Variants in ZFHX3 observed in about 807,000 individuals in gnomAD.
ZFHX3 encodes zinc finger homeobox protein 3.
Under a neutral mutation model 279.1 loss-of-function variants are expected in ZFHX3, and 42 were observed. The observed-to-expected ratio is 0.15, with a 90% CI of 0.12 to 0.19. The LOEUF (loss-of-function observed/expected upper bound fraction) is 0.19, where lower values mean the gene tolerates loss of function less well. Ranked by LOEUF, ZFHX3 falls within the 10% of genes least tolerant of loss-of-function variation. The pLI, the probability that ZFHX3 is intolerant of heterozygous loss-of-function variation, is 1.00. For synonymous variants in ZFHX3, 2,293 were observed against 1,957.8 expected (o/e 1.17, Z -4.52); for missense variants, 4,981 against 4,754.0 (o/e 1.05, Z -1.40).
At chr16:73,353,408 G>A (rs1030885127) in intron 3 of ZFHX3, among the ~76,000 whole-genome samples, 1 of 152,226 alleles carries the variant, frequency 6.6e-6, no homozygotes, top group African/African-American at 2.4e-5. Context: ...ACTGAAATGA[G>A]CACACACTGG....
intron 4 of ZFHX3, among the ~76,000 whole-genome samples, chr16:72,889,321 G>A (rs951150204): frequency 6.6e-6 from 1 of 152,100 alleles, no homozygotes; most frequent in Non-Finnish European, 1.5e-5. Context: ...GACACACGAT[G>A]TAGCATCTGC....
chr16:73,555,751 G>A lies in ZFHX3; in HGVS notation c.-1546-99493C>T, dbSNP rs558944511. On this transcript the variant is annotated intron_variant, in intron 2 of 17. Coordinates refer to the ZFHX3 transcript ENST00000641206. ...GCAGGCTGAGGCAGGAGAATCACTG[G>A]AACTCAGGAGGCGGAGGTTGCAGTG... is the stretch of plus-strand genomic sequence containing the variant. 5.2e-3 allele frequency among the ~76,000 whole-genome samples: 781 copies of A among 151,602 alleles called. 3 individuals carry two copies. The highest frequency in any genetic ancestry group is 7.7e-3 in the Non-Finnish European group (520 of 67,918).
At chr16:73,144,728 A>C (rs1227988063) in intron 5 of ZFHX3, among the ~76,000 whole-genome samples, 1 of 151,912 alleles carries the variant, frequency 6.6e-6, no homozygotes, top group Non-Finnish European at 1.5e-5. Context: ...CCTCTCTCCT[A>C]CCCGCCCCTC....
intron 7 of ZFHX3, among the ~76,000 whole-genome samples, chr16:73,097,691 C>G (rs1232373701): frequency 6.6e-6 from 1 of 152,132 alleles, no homozygotes; most frequent in Admixed American, 6.5e-5. Context: ...TAAACGTAAA[C>G]TTTTTACCCA....
At chr16:73,831,667 T>C (rs2142358543) in intron 1 of ZFHX3, among the ~76,000 whole-genome samples, 1 of 152,294 alleles carries the variant, frequency 6.6e-6, no homozygotes, top group Middle Eastern at 3.4e-3. Context: ...CACAACTTTC[T>C]CTTGTAGAAC....
At chr16:72,895,830 T>C (rs1306847741) in intron 3 of ZFHX3, among the ~76,000 whole-genome samples, 1 of 151,976 alleles carries the variant, frequency 6.6e-6, no homozygotes, top group African/African-American at 2.4e-5. Context: ...TCTCAGTAAA[T>C]AGATTAGACA....
intron 1 of ZFHX3, among the ~76,000 whole-genome samples, chr16:73,878,702 T>G (rs77311328): frequency 0.026 from 3,996 of 151,870 alleles, 187 homozygotes; most frequent in African/African-American, 0.092. Context: ...ATTTATAACC[T>G]CAAGCTAGTA....
At chr16:73,010,614 A>G (rs1229369158) in intron 1 of ZFHX3, among the ~76,000 whole-genome samples, 1 of 152,092 alleles carries the variant, frequency 6.6e-6, no homozygotes, top group Non-Finnish European at 1.5e-5. Flanking sequence ...TCCTCCTCTC[A>G]GGGGAGCTGA....
At position 72,793,914 on chromosome 16, in the gene ZFHX3, G is replaced by A; in HGVS notation, c.8768C>T (p.Pro2923Leu). ...ACTCGCACCAGGACTCGGGGAGCAG[G>A]GATCTGCAAGGCTTGAGGTTTCACT... ...DYSETSSLAD[P>L]CSPSPGASGS... Residue 2923 changes from proline to leucine, a missense_variant, in exon 9 of 10, where the codon CCC becomes CTC. By Grantham distance (98) the Pro-to-Leu change is moderately conservative (BLOSUM62 -3). This residue lies in a region of ZFHX3 where 168 missense variants were observed against 249.1 expected (regional missense o/e 0.67). Coordinates refer to ENST00000268489, the MANE Select transcript of ZFHX3 (RefSeq NM_006885.4). This position sits in a 1 kb window ranked among gnomAD's most constrained non-coding sequence, Gnocchi z 4.3. 6.2e-7 allele frequency: 1 copy of A among 1,614,180 alleles called. No homozygotes were observed. Among genetic ancestry groups the A allele is most frequent in the Non-Finnish European group, 8.5e-7 (1 of 1,180,036 alleles).
At chr16:73,591,458 C>T (rs1039448679) in intron 2 of ZFHX3, among the ~76,000 whole-genome samples, 7 of 151,904 alleles carry the variant, frequency 4.6e-5, no homozygotes, top group African/African-American at 1.7e-4. Flanking sequence ...CTTTGGGAGG[C>T]CAAGACGGGT....
chr16:73,733,847 G>T (rs901191410), intron 1 of ZFHX3, among the ~76,000 whole-genome samples: 2 of 152,096 alleles, frequency 1.3e-5, no homozygotes, highest in Non-Finnish European at 2.9e-5. Context: ...AAAGCAAGAA[G>T]GATATTTAAA....
At position 72,889,879 on chromosome 16, in the gene ZFHX3, C is replaced by T. The variant is rs768772000; in HGVS notation, c.3300G>A (p.Lys1100=). The change falls in exon 4 of 10, where the codon AAG becomes AAA. Residue 1100 remains lysine (K), a synonymous_variant. Transcript: ENST00000268489. ...AGCGCACATGCTGGATGAGGTTGAG[C>T]TTGGCCTTGGTGGAGTAGTTGCACA... ...CVLCNYSTKA[K]LNLIQHVRSM... is the part of the protein sequence containing the mutation. 10 of 1,614,208 alleles carry T rather than the reference C, an allele frequency of 6.2e-6. No individual in the cohort carries two copies. The highest frequency in any genetic ancestry group is 8.5e-6 in the Non-Finnish European group (10 of 1,180,050).
At chr16:73,883,926 A>C (rs955643253) in intron 1 of ZFHX3, among the ~76,000 whole-genome samples, 1 of 152,130 alleles carries the variant, frequency 6.6e-6, no homozygotes, top group African/African-American at 2.4e-5. Flanking sequence ...AGGAGAAGTT[A>C]CTTTGGAAAT....
chr16:73,740,547 G>A (rs947266177), intron 1 of ZFHX3, among the ~76,000 whole-genome samples: 7 of 152,066 alleles, frequency 4.6e-5, no homozygotes, highest in African/African-American at 1.7e-4. Context: ...GAAAAAAAAT[G>A]CCACTTATTT....
At chr16:73,741,052 G>A (rs575191177) in intron 1 of ZFHX3, among the ~76,000 whole-genome samples, 1,052 of 101,032 alleles carry the variant, frequency 0.01, 15 homozygotes, top group African/African-American at 0.038. Context: ...TTTTTTTTGA[G>A]ACGGAGTCTC....
chr16:73,610,874 C>A (rs2052237983), intron 2 of ZFHX3, among the ~76,000 whole-genome samples: 1 of 152,188 alleles, frequency 6.6e-6, no homozygotes. Flanking sequence ...AAGCCAGGGG[C>A]TTGGGAAGCC....
At chr16:73,402,216 C>T (rs746331092) in intron 3 of ZFHX3, 6 of 152,152 alleles carry the variant, frequency 3.9e-5, no homozygotes, top group Admixed American at 6.5e-5. Flanking sequence ...TCACACCATC[C>T]GCTGAGTTAA....
chr16:73,031,432 C>T (rs971378124), intron 1 of ZFHX3, among the ~76,000 whole-genome samples: 1 of 152,136 alleles, frequency 6.6e-6, no homozygotes, highest in Admixed American at 6.5e-5. Flanking sequence ...TGGAGCATTC[C>T]AGGTATCAGG....
chr16:73,462,695 C>T (rs929073212), intron 2 of ZFHX3, among the ~76,000 whole-genome samples: 1 of 152,046 alleles, frequency 6.6e-6, no homozygotes, highest in Non-Finnish European at 1.5e-5. Flanking sequence ...CTTCTTTAGC[C>T]TGTTAATATG....
Sources: allele counts gnomAD v4.1 joint callset (sites outside exome capture counted in the v4.1 genomes callset), GRCh38; gene constraint gnomAD v4.1.1; regional missense constraint gnomAD v4.1.1; non-coding constraint Gnocchi (gnomAD v3.1); transcripts MANE v1.5; gene names NCBI Gene and HGNC (gene_info 2026-07-23, HGNC 2026-07-21).